ARFGEF2: variants seen among roughly 807,000 people sequenced by gnomAD.
ARFGEF2 encodes the protein ARF guanine nucleotide exchange factor 2.
In ARFGEF2, 74 loss-of-function variants were observed where a neutral mutation model predicts 219.9. The ratio of observed to expected loss-of-function variants is 0.34; its 90% CI spans 0.28 to 0.41. ARFGEF2 has a LOEUF of 0.41. ARFGEF2 is among the 10% of genes least tolerant of loss of function. The probability of loss-of-function intolerance (pLI) is 1.00; values close to 1 mark genes in which losing one functional copy is unlikely to be tolerated. For synonymous variants in ARFGEF2, 733 were observed against 799.2 expected (o/e 0.92, Z 1.40); for missense variants, 1,743 against 2,218.3 (o/e 0.79, Z 4.30).
At chr20:48,998,897 TA>T (rs2123483378) in intron 25 of ARFGEF2, among the ~76,000 whole-genome samples, 1 of 152,330 alleles carries the variant, frequency 6.6e-6, no homozygotes, top group African/African-American at 2.4e-5. Context: ...CTGCTTCTTG[TA>T]TTCCGGCACC....
rs774121482 is a variant in ARFGEF2 at position 49,012,023 on chromosome 20, C to G, written c.3857C>G (p.Thr1286Arg). 1 of 1,614,230 alleles carries G rather than the reference C, an allele frequency of 6.2e-7. No individual in the cohort carries two copies. Among genetic ancestry groups the G allele is most frequent in the East Asian group, 2.2e-5 (1 of 44,886 alleles). The change falls in exon 28 of 39, where the codon ACG becomes AGG. Residue 1286 changes from threonine to arginine, a missense_variant. Coordinates refer to ENST00000371917, the MANE Select transcript of ARFGEF2 (RefSeq NM_006420.3). The part of the protein sequence containing the change: ...EFACNAAFPD[T>R]SMEAIRLIRF... ...GCCTGCAACGCCGCTTTCCCTGACACGAGCATGGAAGCGATTCGGCTCATC... is the reference window on the plus strand; with the variant it reads ...GCCTGCAACGCCGCTTTCCCTGACAGGAGCATGGAAGCGATTCGGCTCATC...
At chr20:48,968,517 C>T (rs902256170) in intron 8 of ARFGEF2, among the ~76,000 whole-genome samples, 13 of 151,820 alleles carry the variant, frequency 8.6e-5, no homozygotes, top group Non-Finnish European at 1.2e-4. Context: ...ATTCTCCTGT[C>T]TTAGCCTCCC....
intron 26 of ARFGEF2, 79 bp downstream of exon 26, chr20:49,005,300 GATTA>G: frequency 6.4e-7 from 1 of 1,566,592 alleles, no homozygotes; most frequent in Admixed American, 1.7e-5. Flanking sequence ...CTAACCACAT[GATTA>G]ATTTTTTTCC....
intron 6 of ARFGEF2, among the ~76,000 whole-genome samples, chr20:48,959,624 T>C (rs2091132974): frequency 8.3e-6 from 1 of 120,386 alleles, no homozygotes; most frequent in Non-Finnish European, 1.7e-5. Flanking sequence ...CTTCCTTCCA[T>C]TTTGAGACAG....
At chr20:48,947,710 G>A (rs970245764) in intron 3 of ARFGEF2, among the ~76,000 whole-genome samples, 1 of 152,074 alleles carries the variant, frequency 6.6e-6, no homozygotes, top group African/African-American at 2.4e-5. Context: ...CAAAAAATTA[G>A]CCAGGCATAG....
chr20:48,953,517 CT>C, intron 5 of ARFGEF2, 38 bp from the exon 6 acceptor site: 1 of 1,594,446 alleles, frequency 6.3e-7, no homozygotes, highest in South Asian at 1.1e-5. Flanking sequence ...ATTTTTCTTC[CT>C]TACCAAAATG....
Position 48,921,862 on chromosome 20 carries a change from G to C in ARFGEF2, c.-28G>C, listed in dbSNP as rs1473045042. 1 of 1,507,614 alleles carries C rather than the reference G, an allele frequency of 6.6e-7. No individual in the cohort carries two copies. Among genetic ancestry groups the C allele is most frequent in the African/African-American group, 1.5e-5 (1 of 68,438 alleles). 93.4% of individuals were successfully genotyped at this position (1,507,614 alleles called of 1,614,324 possible). ...TCTCGCTCACGCCGCCCGCCCGCGGGGCCGTCAGCCCCCGCCGGGCCGGGG... is the reference window on the plus strand; with the variant it reads ...TCTCGCTCACGCCGCCCGCCCGCGGCGCCGTCAGCCCCCGCCGGGCCGGGG... On this transcript the variant is annotated 5_prime_UTR_variant, in exon 1 of 39. Coordinates refer to ENST00000371917, the MANE Select transcript of ARFGEF2 (RefSeq NM_006420.3).
intron 34 of ARFGEF2, among the ~76,000 whole-genome samples, chr20:49,020,375 T>G (rs558408266): frequency 5.9e-5 from 9 of 152,368 alleles, no homozygotes; most frequent in African/African-American, 2.2e-4. Flanking sequence ...GTGTTGGGAC[T>G]GGCATGCTGT....
intron 20 of ARFGEF2, 103 bp from the exon 21 acceptor site, chr20:48,990,937 A>G (rs1600638560): frequency 7.8e-7 from 1 of 1,282,324 alleles, no homozygotes; most frequent in Non-Finnish European, 1.1e-6. Context: ...GTCAATGTGC[A>G]TACAAAAAGT....
chr20:48,996,917 T>C (rs1022870409), intron 23 of ARFGEF2, among the ~76,000 whole-genome samples: 5 of 152,014 alleles, frequency 3.3e-5, no homozygotes, highest in African/African-American at 9.6e-5. Flanking sequence ...GCAATCACTC[T>C]CCGTTTTCTT....
rs1043182781 is a variant in ARFGEF2 at position 49,012,175 on chromosome 20, A to G, written c.3918+91A>G. The G allele has an allele frequency of 2.6e-6, 4 of 1,546,624 alleles. No homozygotes were observed. In the African/African-American group the frequency reaches 5.4e-5, roughly 21 times the overall value. On this transcript the variant is annotated intron_variant, in intron 28 of 38. Coordinates refer to ENST00000371917, the MANE Select transcript of ARFGEF2 (RefSeq NM_006420.3). ...GCTCCTAACAAAGAGCTTTCCAGCT[A>G]CTCTTTTAGAAATGTGTGTTTGCCC...
chr20:48,931,854 C>G (rs80080365), intron 1 of ARFGEF2, among the ~76,000 whole-genome samples: 5 of 152,110 alleles, frequency 3.3e-5, no homozygotes, highest in Non-Finnish European at 7.4e-5. Context: ...TAATTTTACG[C>G]GGAGTGGGAT....
intron 34 of ARFGEF2, among the ~76,000 whole-genome samples, chr20:49,022,607 A>G (rs1214721780): frequency 2.0e-5 from 3 of 152,168 alleles, no homozygotes; most frequent in Non-Finnish European, 4.4e-5. Flanking sequence ...CACTTTCTTC[A>G]GGTCTTTGCT....
chr20:49,028,818 C>G, intron 37 of ARFGEF2, 150 bp downstream of exon 37: 1 of 815,962 alleles, frequency 1.2e-6, no homozygotes, highest in Middle Eastern at 3.5e-4. Flanking sequence ...TCCCATTTCA[C>G]TTTTCTTAAT....
chr20:48,934,258 A>G (rs1335982429), intron 1 of ARFGEF2, among the ~76,000 whole-genome samples: 1 of 151,706 alleles, frequency 6.6e-6, no homozygotes, highest in African/African-American at 2.4e-5. Context: ...TCTTTCTGCC[A>G]TATCAGGCTG....
At chr20:49,002,022 G>A (rs1387333474) in intron 25 of ARFGEF2, among the ~76,000 whole-genome samples, 2 of 152,184 alleles carry the variant, frequency 1.3e-5, no homozygotes, top group Non-Finnish European at 1.5e-5. Flanking sequence ...GAGGCAGGCA[G>A]ATCATCTGAG....
In ARFGEF2 at chr20:49,033,839, T is replaced by C. The variant is rs1406171766; in HGVS notation, c.*640T>C. 1 of 152,652 alleles carries C rather than the reference T, an allele frequency of 6.6e-6. No homozygotes were observed. The highest frequency in any genetic ancestry group is 2.4e-5 in the African/African-American group (1 of 41,448). The allele number at this position is 152,652 out of a possible 1,614,324, so 9.5% of individuals were successfully genotyped here. On this transcript the variant is annotated 3_prime_UTR_variant, in exon 39 of 39. Transcript: ENST00000371917. Reference sequence around the variant, plus strand: ...TGAAGGCAGAGTTTAGTAATTAAGTTAGAATTAAGAGTTTTGCGAGGTTAA... The same window carrying C: ...TGAAGGCAGAGTTTAGTAATTAAGTCAGAATTAAGAGTTTTGCGAGGTTAA...
At chr20:49,011,809 C>T in intron 27 of ARFGEF2, 115 bp from the exon 28 acceptor site, 3 of 1,238,638 alleles carry the variant, frequency 2.4e-6, no homozygotes, top group Admixed American at 3.4e-5. Context: ...CTTAGATTTT[C>T]ACAGTTAATT....
At position 49,017,374 on chromosome 20, in the gene ARFGEF2, A is replaced by C; in HGVS notation, c.4441A>C (p.Thr1481Pro). 6.2e-7 allele frequency: 1 copy of C among 1,614,012 alleles called. No homozygotes were observed. The highest frequency in any genetic ancestry group is 8.5e-7 in the Non-Finnish European group (1 of 1,179,984). The change falls in exon 32 of 39, where the codon ACC (threonine) becomes CCC (proline). Residue 1481 changes from threonine to proline, a missense_variant. Physicochemically the swap from Thr to Pro is conservative, Grantham distance 38. Transcript: ENST00000371917. ...CTGTATGTTGGATATTTTCAAAACAACCATCCCACATGTGTAAGTGTTCAT... is the reference window on the plus strand; with the variant it reads ...CTGTATGTTGGATATTTTCAAAACACCCATCCCACATGTGTAAGTGTTCAT... Reference protein sequence around the residue: ...CNCMLDIFKTTIPHVLLTWRP... With the variant: ...CNCMLDIFKTPIPHVLLTWRP...
Sources: gnomAD v4.1 joint callset for allele counts (sites outside exome capture counted in the v4.1 genomes callset) on GRCh38, gnomAD v4.1.1 for gene constraint, MANE v1.5 for transcripts, NCBI Gene and HGNC (gene_info 2026-07-23, HGNC 2026-07-21) for gene names.